Variants in PRKCD observed in about 807,000 individuals in gnomAD.
The protein encoded by PRKCD is protein kinase C delta type.
PRKCD carries 20 observed loss-of-function variants against 82.2 expected under a neutral mutation model. That is an observed-to-expected ratio of 0.24 (90% confidence interval 0.17 to 0.35). The LOEUF is 0.35. PRKCD is among the 10% of genes least tolerant of loss of function. The pLI is 1.00. For synonymous variants in PRKCD, 317 were observed against 337.0 expected (o/e 0.94, Z 0.65); for missense variants, 607 against 899.0 (o/e 0.68, Z 4.15).
In PRKCD at chr3:53,183,453, T is replaced by C. The variant is rs1383241371; in HGVS notation, c.659T>C (p.Phe220Ser). The C allele has an allele frequency of 1.2e-6, 2 of 1,613,980 alleles. No homozygotes were observed. Among genetic ancestry groups the C allele is most frequent in the Non-Finnish European group, 1.7e-6 (2 of 1,180,020 alleles). The change falls in exon 9 of 19, where the codon TTC (phenylalanine) becomes TCC (serine). Residue 220 changes from phenylalanine (F) to serine (S), a missense_variant and splice_region_variant. Around this residue, in one of 5 missense-constraint regions of PRKCD, gnomAD observed 109 missense variants for 155.6 expected, o/e 0.70. Transcript: ENST00000330452. ...AGCCTGTGATACCCCCACCTCCAGT[T>C]CCAGAAAGAACGCTTCAACATCGAC... ...GTAANSRDTI[F>S]QKERFNIDMP...
At chr3:53,177,255 A>G (rs1703243614) in intron 2 of PRKCD, among the ~76,000 whole-genome samples, 1 of 152,106 alleles carries the variant, frequency 6.6e-6, no homozygotes, top group Non-Finnish European at 1.5e-5. Flanking sequence ...CTCCTGAAGT[A>G]CCAAGATTAT....
At chr3:53,178,599 G>C in intron 3 of PRKCD, 62 bp downstream of exon 3, 1 of 1,433,054 alleles carries the variant, frequency 7.0e-7, no homozygotes, top group Admixed American at 1.9e-5. Flanking sequence ...GGAAGGACTG[G>C]AGGGGGCCTG....
Position 53,169,929 on chromosome 3 carries a change from G to A in PRKCD, c.-20+4714G>A, listed in dbSNP as rs943826463. Among the ~76,000 whole-genome samples the A allele has an allele frequency of 1.3e-5, 2 of 152,190 alleles. No homozygotes were observed. Among genetic ancestry groups the A allele is most frequent in the African/African-American group, 4.8e-5 (2 of 41,432 alleles). On this transcript the variant is annotated intron_variant, in intron 2 of 18. Coordinates refer to ENST00000330452, the MANE Select transcript of PRKCD (RefSeq NM_006254.4). This position sits in a 1 kb window ranked among gnomAD's most constrained non-coding sequence, Gnocchi z 4.7. The stretch of plus-strand genomic sequence containing the variant: ...AGGCCTGTCTAGGTCCAAGCTCGCC[G>A]GTTCCTCTGTCCGCTGCCTGCTGTG...
At chr3:53,164,834 G>A (rs1311166275) in intron 1 of PRKCD, among the ~76,000 whole-genome samples, 4 of 152,154 alleles carry the variant, frequency 2.6e-5, no homozygotes, top group Non-Finnish European at 5.9e-5. Flanking sequence ...GGTTTTTGCT[G>A]TGTTATTGGC....
intron 13 of PRKCD, 104 bp downstream of exon 13, chr3:53,186,444 C>A: frequency 6.9e-7 from 1 of 1,439,936 alleles, no homozygotes; most frequent in Non-Finnish European, 9.5e-7. Context: ...CCACTTAAGG[C>A]AGGGCCATGC....
intron 14 of PRKCD, among the ~76,000 whole-genome samples, chr3:53,186,957 G>C (rs1703722296): frequency 6.6e-6 from 1 of 152,232 alleles, no homozygotes; most frequent in Non-Finnish European, 1.5e-5. Context: ...GGGCAGCCTT[G>C]CAAATGGTGG....
chr3:53,187,637 G>A (rs979430040), intron 15 of PRKCD, among the ~76,000 whole-genome samples: 6 of 152,078 alleles, frequency 3.9e-5, no homozygotes, highest in African/African-American at 1.2e-4. Context: ...TGACACCATC[G>A]CCCCACCCAT....
At position 53,184,874 on chromosome 3, in the gene PRKCD, A is replaced by G. The variant is rs1396813634; in HGVS notation, c.788A>G (p.Asp263Gly). The G allele has an allele frequency of 1.2e-6, 2 of 1,613,492 alleles. No individual in the cohort carries two copies. The highest frequency in any genetic ancestry group is 1.7e-6 in the Non-Finnish European group (2 of 1,179,730). The change falls in exon 10 of 19, where the codon GAC (aspartate) becomes GGC (glycine). Residue 263 changes from aspartate (D) to glycine (G), a missense_variant and splice_region_variant. Physicochemically the swap from Asp to Gly is moderately conservative, Grantham distance 94. Transcript: ENST00000330452. The part of the protein sequence containing the change: ...GLVKQGLKCE[D>G]CGMNVHHKCR... ...CAGCCCCGCTTCTCCCTCACCCCAG[A>G]CTGCGGCATGAATGTGCACCATAAA...
At position 53,189,129 on chromosome 3, in the gene PRKCD, C is replaced by T. The variant is rs782746660; in HGVS notation, c.1626C>T (p.Leu542=). The change falls in exon 17 of 19, where the codon CTC becomes CTT. Residue 542 remains leucine (L), a synonymous_variant. Transcript: ENST00000330452. Reference sequence around the variant, plus strand: ...TCGGGGTCCTTCTGTACGAGATGCTCATTGGCCAGTCCCCCTTCCATGGTG... The same window carrying T: ...TCGGGGTCCTTCTGTACGAGATGCTTATTGGCCAGTCCCCCTTCCATGGTG... ...WSFGVLLYEM[L]IGQSPFHGDD... is the part of the protein sequence containing the mutation. 6.2e-6 allele frequency: 10 copies of T among 1,614,226 alleles called. No homozygotes were observed. The highest frequency in any genetic ancestry group is 2.2e-5 in the East Asian group (1 of 44,882).
At chr3:53,161,689 C>G (rs1702665360) in intron 1 of PRKCD, 2 of 152,330 alleles carry the variant, frequency 1.3e-5, no homozygotes, top group South Asian at 4.1e-4. Context: ...CCCGCTCCTC[C>G]GAGGGGCCCG....
At chr3:53,170,997 G>A (rs1553664817) in intron 2 of PRKCD, among the ~76,000 whole-genome samples, 5 of 152,012 alleles carry the variant, frequency 3.3e-5, no homozygotes, top group African/African-American at 7.2e-5. Flanking sequence ...GTGTGTGTAC[G>A]TACCTGTGGC....
At chr3:53,185,213 G>T (rs536443555) in intron 10 of PRKCD, among the ~76,000 whole-genome samples, 1 of 152,362 alleles carries the variant, frequency 6.6e-6, no homozygotes, top group Non-Finnish European at 1.5e-5. Context: ...AGGAGTGGGT[G>T]TTGGAACACT....
intron 4 of PRKCD, among the ~76,000 whole-genome samples, chr3:53,180,725 G>C (rs1553667227): frequency 6.6e-6 from 1 of 152,218 alleles, no homozygotes; most frequent in African/African-American, 2.4e-5. Context: ...TCTTGGGGGA[G>C]GTGAGGGGAT....
At chr3:53,170,217 C>G (rs1361008522) in intron 2 of PRKCD, among the ~76,000 whole-genome samples, 1 of 152,202 alleles carries the variant, frequency 6.6e-6, no homozygotes, top group Non-Finnish European at 1.5e-5. Flanking sequence ...GTTCCCATCT[C>G]CAAACACATA....
At chr3:53,186,480 A>G in intron 13 of PRKCD, 124 bp from the exon 14 acceptor site, 2 of 1,375,908 alleles carry the variant, frequency 1.5e-6, no homozygotes, top group Admixed American at 1.8e-5. Context: ...CTCCCAGGGC[A>G]GAGTCGTCCA....
chr3:53,163,707 T>A (rs561714600), intron 1 of PRKCD, among the ~76,000 whole-genome samples: 1 of 152,214 alleles, frequency 6.6e-6, no homozygotes, highest in Non-Finnish European at 1.5e-5. Context: ...ACGGTTCCCA[T>A]TCTCCTGGGA....
At position 53,181,237 on chromosome 3, in the gene PRKCD, ATGTC is replaced by A; in HGVS notation, c.350_353del (p.Ser117PhefsTer25). 1 of 1,613,888 alleles carries A rather than the reference ATGTC, an allele frequency of 6.2e-7. No individual in the cohort carries two copies. The highest frequency in any genetic ancestry group is 8.5e-7 in the Non-Finnish European group (1 of 1,179,888). On this transcript the variant is annotated frameshift_variant, in exon 5 of 19. Coordinates refer to ENST00000330452, the MANE Select transcript of PRKCD (RefSeq NM_006254.4). LOFTEE classifies it high-confidence loss of function. ...CCTGCAGCCTCAGGCCAAGGTGTTG[ATGTC>A]TGTTCAGTATTTCCTGGAGGACGTG...
At chr3:53,176,976 T>C (rs1703234162) in intron 2 of PRKCD, among the ~76,000 whole-genome samples, 1 of 152,158 alleles carries the variant, frequency 6.6e-6, no homozygotes. Flanking sequence ...ATTATAGGCA[T>C]GCGCCACCAC....
At chr3:53,187,073 G>T (rs1476159417) in intron 14 of PRKCD, among the ~76,000 whole-genome samples, 2 of 152,178 alleles carry the variant, frequency 1.3e-5, no homozygotes, top group Non-Finnish European at 2.9e-5. Flanking sequence ...GTGTGTGTGT[G>T]TGTGCATGCA....
Sources: gnomAD v4.1 joint callset for allele counts (sites outside exome capture counted in the v4.1 genomes callset) on GRCh38, gnomAD v4.1.1 for gene constraint, gnomAD v4.1.1 regional missense constraint, Gnocchi (gnomAD v3.1) non-coding constraint, MANE v1.5 for transcripts, NCBI Gene and HGNC (gene_info 2026-07-23, HGNC 2026-07-21) for gene names.